Variants in ARHGAP26 observed in about 807,000 individuals in gnomAD.
The protein encoded by ARHGAP26 is rho GTPase-activating protein 26.
In ARHGAP26, 38 loss-of-function variants were observed where a neutral mutation model predicts 104.8. The observed-to-expected ratio is 0.36, with a 90% CI of 0.28 to 0.48. The LOEUF is 0.48. ARHGAP26 is among the 20% of genes least tolerant of loss of function. The pLI is 0.99. For missense variants in ARHGAP26, 704 were observed against 947.9 expected, an observed-to-expected ratio of 0.74 and a Z score of 3.38; for synonymous variants, 341 against 340.0, an observed-to-expected ratio of 1.00 and a Z score of -0.03.
chr5:142,946,916 T>C (rs2152569578), intron 11 of ARHGAP26: 1 of 152,050 alleles, frequency 6.6e-6, no homozygotes, highest in Admixed American at 6.5e-5. Context: ...GTCTTCCCTT[T>C]TGGTTATTTG....
chr5:143,041,685 C>A, intron 13 of ARHGAP26, 131 bp from the exon 14 acceptor site: 1 of 664,248 alleles, frequency 1.5e-6, no homozygotes, highest in Non-Finnish European at 2.6e-6. Context: ...TGACAGGGGA[C>A]TTTAATTAGA....
chr5:143,063,338 G>A (rs1014106303), intron 17 of ARHGAP26, among the ~76,000 whole-genome samples: 7 of 152,114 alleles, frequency 4.6e-5, no homozygotes, highest in African/African-American at 1.7e-4. Flanking sequence ...CTATTGCTCT[G>A]GCTGGTGGAG....
chr5:143,135,893 G>A (rs1170134949), intron 19 of ARHGAP26, among the ~76,000 whole-genome samples: 1 of 152,166 alleles, frequency 6.6e-6, no homozygotes, highest in Non-Finnish European at 1.5e-5. Context: ...TCTCACTGTG[G>A]TCTGCACGTG....
chr5:142,884,812 T>C (rs918262668), intron 4 of ARHGAP26, among the ~76,000 whole-genome samples: 1 of 152,228 alleles, frequency 6.6e-6, no homozygotes, highest in African/African-American at 2.4e-5. Context: ...TCAAGAGATA[T>C]TTAGGCTTAC....
chr5:142,788,534 C>T (rs1216777303), intron 1 of ARHGAP26, among the ~76,000 whole-genome samples: 3 of 152,118 alleles, frequency 2.0e-5, no homozygotes, highest in African/African-American at 7.2e-5. Context: ...GGGATTCAAC[C>T]AACCACAGAT....
At chr5:143,213,898 C>G in intron 21 of ARHGAP26, 99 bp from the exon 22 acceptor site, 1 of 712,892 alleles carries the variant, frequency 1.4e-6, no homozygotes. Flanking sequence ...CGAGAGGGGA[C>G]TAGGTAGCTT....
At chr5:143,122,057 A>G (rs925180166) in intron 18 of ARHGAP26, among the ~76,000 whole-genome samples, 6 of 152,154 alleles carry the variant, frequency 3.9e-5, no homozygotes, top group Admixed American at 1.3e-4. Context: ...TTTTTACAAG[A>G]GCCTCCTAAT....
At position 143,187,303 on chromosome 5, in the gene ARHGAP26, G is replaced by C. The variant is rs1390263685; in HGVS notation, c.1989-19895G>C. Among the ~76,000 whole-genome samples, 4 of 152,128 alleles carry C rather than the reference G, an allele frequency of 2.6e-5. No homozygotes were observed. In the South Asian group the frequency reaches 8.3e-4, roughly 31 times the overall value. ...GAATATTGTTTTCTTTTAGAAATCTGCTTATCAAGTATGACAAGTTTTCTC... is the reference window on the plus strand; with the variant it reads ...GAATATTGTTTTCTTTTAGAAATCTCCTTATCAAGTATGACAAGTTTTCTC... On this transcript the variant is annotated intron_variant, in intron 20 of 22. Coordinates refer to ENST00000645722, the MANE Select transcript of ARHGAP26 (RefSeq NM_001135608.3).
intron 1 of ARHGAP26, among the ~76,000 whole-genome samples, chr5:142,838,609 C>G (rs1770092960): frequency 1.3e-5 from 2 of 152,146 alleles, no homozygotes. Flanking sequence ...TGGTTGTGAC[C>G]ATTAAAAATA....
At chr5:143,100,163 G>C (rs751338364) in intron 17 of ARHGAP26, among the ~76,000 whole-genome samples, 26 of 152,190 alleles carry the variant, frequency 1.7e-4, no homozygotes, top group Non-Finnish European at 3.1e-4. Flanking sequence ...TATTTGAAGA[G>C]AATGGCTGAG....
chr5:142,800,519 C>T (rs528381924), intron 1 of ARHGAP26, among the ~76,000 whole-genome samples: 56 of 152,170 alleles, frequency 3.7e-4, no homozygotes, highest in African/African-American at 1.3e-3. Flanking sequence ...CCTGCCACCA[C>T]GCTCAGCTAA....
intron 20 of ARHGAP26, among the ~76,000 whole-genome samples, chr5:143,187,449 G>C (rs1805318988): frequency 6.6e-6 from 1 of 152,116 alleles, no homozygotes; most frequent in African/African-American, 2.4e-5. Context: ...AGCTTCTAGG[G>C]CAATTCAAGC....
At position 143,004,017 on chromosome 5, in the gene ARHGAP26, CAAAAAAAAAA is replaced by C. The variant is rs144058530; in HGVS notation, c.1108-10051_1108-10042del. 4.0e-3 allele frequency among the ~76,000 whole-genome samples: 472 copies of C among 118,122 alleles called. 17 individuals carry two copies. The East Asian group carries it at 0.08, about 20-fold the overall frequency. 77.5% of individuals were successfully genotyped at this position (118,122 alleles called of 152,430 possible). On this transcript the variant is annotated intron_variant, in intron 11 of 22. Coordinates refer to ENST00000645722, the MANE Select transcript of ARHGAP26 (RefSeq NM_001135608.3). ...CTCGTGGTCAGAACAAATTTATAGA[CAAAAAAAAAA>C]AAAAAAAAAAAGGAAAGTGACGTAC... is the stretch of plus-strand genomic sequence containing the variant.
intron 1 of ARHGAP26, among the ~76,000 whole-genome samples, chr5:142,795,710 G>C (rs1760845686): frequency 1.3e-5 from 2 of 152,116 alleles, no homozygotes; most frequent in Admixed American, 6.5e-5. Context: ...ATTTTTTCCA[G>C]TTTGAAAAGA....
chr5:142,838,749 T>G (rs1170880592), intron 1 of ARHGAP26, among the ~76,000 whole-genome samples: 1 of 152,240 alleles, frequency 6.6e-6, no homozygotes, highest in Admixed American at 6.5e-5. Flanking sequence ...GTAGTCATGT[T>G]GTGGGATCAA....
chr5:143,156,389 C>A (rs2151031743), intron 20 of ARHGAP26, among the ~76,000 whole-genome samples: 1 of 152,314 alleles, frequency 6.6e-6, no homozygotes, highest in East Asian at 1.9e-4. Context: ...GTCTCTGTTA[C>A]ACTGGTCTTC....
intron 1 of ARHGAP26, among the ~76,000 whole-genome samples, chr5:142,854,169 A>T (rs1482753836): frequency 2.0e-5 from 3 of 152,212 alleles, no homozygotes; most frequent in Non-Finnish European, 4.4e-5. Flanking sequence ...ACATTCATGA[A>T]GCCACCACCA....
At chr5:143,066,174 G>A (rs1204624107) in intron 17 of ARHGAP26, among the ~76,000 whole-genome samples, 1 of 152,204 alleles carries the variant, frequency 6.6e-6, no homozygotes, top group Admixed American at 6.5e-5. Context: ...TTGTGTCACA[G>A]TTGCCTACAG....
chr5:143,115,349 A>C (rs1795299322), intron 17 of ARHGAP26, among the ~76,000 whole-genome samples: 1 of 60,120 alleles, frequency 1.7e-5, no homozygotes, highest in African/African-American at 3.1e-5. Flanking sequence ...CAACAACAAC[A>C]ACAAAAAACG....
Sources: allele counts gnomAD v4.1 joint callset (sites outside exome capture counted in the v4.1 genomes callset), GRCh38; gene constraint gnomAD v4.1.1; transcripts MANE v1.5; gene names NCBI Gene and HGNC (gene_info 2026-07-23, HGNC 2026-07-21).